The following TM2D1 variants were observed in gnomAD, a reference collection of about 807,000 sequenced individuals.
The protein encoded by TM2D1 is TM2 domain containing 1.
In TM2D1, 15 loss-of-function variants were observed where a neutral mutation model predicts 28.4. That is an observed-to-expected ratio of 0.53 (90% CI 0.35 to 0.81). The LOEUF (loss-of-function observed/expected upper bound fraction) is 0.81. Among genes scored for constraint, TM2D1 ranks in the 40% least tolerant of loss-of-function variants. The probability of loss-of-function intolerance (pLI) is 0.01; values close to 1 mark genes in which losing one functional copy is unlikely to be tolerated. For missense variants in TM2D1, 236 were observed against 254.9 expected (o/e 0.93, Z 0.50); for synonymous variants, 93 against 96.2 (o/e 0.97, Z 0.20).
At chr1:61,712,749 A>AT (rs1644487817) in intron 2 of TM2D1, among the ~76,000 whole-genome samples, 1 of 152,184 alleles carries the variant, frequency 6.6e-6, no homozygotes, top group Admixed American at 6.6e-5. Flanking sequence ...TTAACATGTT[A>AT]TAGCACTCTT....
chr1:61,703,147 G>C lies in TM2D1; in HGVS notation c.348-2122C>G, dbSNP rs1010471166. On this transcript the variant is annotated intron_variant, in intron 3 of 6. Coordinates refer to ENST00000606498, the MANE Select transcript of TM2D1 (RefSeq NM_032027.3). The stretch of plus-strand genomic sequence containing the variant: ...ACAAAAGAGAAAAAACAAAGGGAGA[G>C]CTGGACACACTGGCATGTGACTACA... 3.3e-5 allele frequency among the ~76,000 whole-genome samples: 5 copies of C among 151,260 alleles called. No individual in the cohort carries two copies. In the Admixed American group the frequency reaches 3.3e-4, roughly 10 times the overall value.
chr1:61,711,566 T>C (rs1644479609), intron 2 of TM2D1, among the ~76,000 whole-genome samples: 1 of 150,012 alleles, frequency 6.7e-6, no homozygotes, highest in Admixed American at 6.7e-5. Context: ...AGGTCAAGGC[T>C]GCAGTGAGCT....
At chr1:61,702,860 C>T (rs929811510) in intron 3 of TM2D1, among the ~76,000 whole-genome samples, 3 of 151,686 alleles carry the variant, frequency 2.0e-5, no homozygotes, top group Admixed American at 2.0e-4. Flanking sequence ...AATCCCAGCA[C>T]TTTGGGAGGC....
At chr1:61,724,903 T>A (rs1003425592) in intron 1 of TM2D1, 54 bp downstream of exon 1, 2 of 1,523,492 alleles carry the variant, frequency 1.3e-6, no homozygotes, top group Non-Finnish European at 1.8e-6. Context: ...GCGACCCACC[T>A]GCGACCCCAA....
At chr1:61,684,769 CTTTCA>C (rs905036881) in intron 5 of TM2D1, among the ~76,000 whole-genome samples, 3 of 151,810 alleles carry the variant, frequency 2.0e-5, no homozygotes, top group Non-Finnish European at 4.4e-5. Flanking sequence ...AGTTTTCTCT[CTTTCA>C]TTTGTTTGTT....
chr1:61,723,787 G>T lies in TM2D1; in HGVS notation c.165-1C>A. 6.9e-7 allele frequency: 1 copy of T among 1,455,800 alleles called. No homozygotes were observed. The allele number at this position is 1,455,800 out of a possible 1,614,324, so 90.2% of individuals were successfully genotyped here. The stretch of plus-strand genomic sequence containing the variant: ...TATTTTTGGATCTTTACAAATATAT[G>T]TAAAAAAAAAAGTTAAGGAAATACG... On this transcript the variant is annotated splice_acceptor_variant, in intron 1 of 6. Transcript: ENST00000606498. LOFTEE classifies it high-confidence loss of function.
chr1:61,714,764 C>A (rs1644504641), intron 2 of TM2D1, among the ~76,000 whole-genome samples: 1 of 152,090 alleles, frequency 6.6e-6, no homozygotes, highest in South Asian at 2.1e-4. Context: ...CCACGTTGCC[C>A]AAGCTGGTCT....
intron 5 of TM2D1, among the ~76,000 whole-genome samples, chr1:61,692,478 G>GAGAA (rs145746226): frequency 1.4e-5 from 2 of 142,042 alleles, no homozygotes; most frequent in African/African-American, 2.6e-5. Flanking sequence ...AGGAAGAAGA[G>GAGAA]AGAAAGAAAG....
chr1:61,707,110 C>T (rs1644447183), intron 3 of TM2D1, among the ~76,000 whole-genome samples: 2 of 152,022 alleles, frequency 1.3e-5, no homozygotes, highest in Non-Finnish European at 2.9e-5. Flanking sequence ...CAAAAATTAG[C>T]CGAGCTTTGG....
intron 5 of TM2D1, among the ~76,000 whole-genome samples, chr1:61,689,542 T>A (rs554749673): frequency 3.9e-4 from 60 of 152,192 alleles, no homozygotes; most frequent in Non-Finnish European, 7.5e-4. Flanking sequence ...GCAAATTTTT[T>A]AAAAATTTTT....
At chr1:61,703,221 T>C (rs1297902517) in intron 3 of TM2D1, among the ~76,000 whole-genome samples, 2 of 149,170 alleles carry the variant, frequency 1.3e-5, no homozygotes, top group African/African-American at 4.9e-5. Flanking sequence ...CTAATGAATA[T>C]TACCATATTT....
At chr1:61,720,110 AAAG>A (rs901329206) in intron 2 of TM2D1, among the ~76,000 whole-genome samples, 1 of 152,248 alleles carries the variant, frequency 6.6e-6, no homozygotes, top group African/African-American at 2.4e-5. Context: ...TTAAGAAAAT[AAAG>A]AAGACTTCTG....
In TM2D1 at chr1:61,691,932, A is replaced by AAAAAAAAATATATAT; in HGVS notation, c.513+2764_513+2765insATATATATTTTTTTT. ...TCTCAAAAAAAACTTAAAAAAAAAA[A>AAAAAAAAATATATAT]ATATATATATATATATATATATATA... On this transcript the variant is annotated intron_variant, in intron 5 of 6. Coordinates refer to ENST00000606498, the MANE Select transcript of TM2D1 (RefSeq NM_032027.3). 3.0e-3 allele frequency among the ~76,000 whole-genome samples: 226 copies of AAAAAAAAATATATAT among 76,256 alleles called. 1 individual carries two copies. Among genetic ancestry groups the AAAAAAAAATATATAT allele is most frequent in the East Asian group, 9.1e-3 (19 of 2,082 alleles). 50.0% of individuals were successfully genotyped at this position (76,256 alleles called of 152,430 possible).
chr1:61,686,383 G>A (rs2148032951), intron 5 of TM2D1, among the ~76,000 whole-genome samples: 1 of 152,166 alleles, frequency 6.6e-6, no homozygotes, highest in Middle Eastern at 3.4e-3. Flanking sequence ...AAGACAGGGT[G>A]TGGTGGCTCA....
chr1:61,682,770 G>T (rs149839381), intron 6 of TM2D1, among the ~76,000 whole-genome samples: 1,674 of 152,052 alleles, frequency 0.011, 28 homozygotes, highest in African/African-American at 0.037. Context: ...GTGTGTGCCT[G>T]TAGTCCCAGC....
At chr1:61,719,256 C>A (rs1332209216) in intron 2 of TM2D1, among the ~76,000 whole-genome samples, 1 of 151,976 alleles carries the variant, frequency 6.6e-6, no homozygotes, top group East Asian at 1.9e-4. Flanking sequence ...CACCACATAG[C>A]CCAGGCTGGT....
At chr1:61,686,574 G>A (rs143663292) in intron 5 of TM2D1, among the ~76,000 whole-genome samples, 13 of 152,280 alleles carry the variant, frequency 8.5e-5, no homozygotes, top group African/African-American at 2.6e-4. Context: ...GCTGAGGCAT[G>A]AGAATTGCTT....
chr1:61,724,530 G>C (rs1167280931), intron 1 of TM2D1: 6 of 163,514 alleles, frequency 3.7e-5, no homozygotes, highest in Non-Finnish European at 6.6e-5. Context: ...TAAAGTTAAT[G>C]ATAAATGGGC....
chr1:61,686,693 T>G (rs1432581613), intron 5 of TM2D1: 1 of 576,186 alleles, frequency 1.7e-6, no homozygotes, highest in East Asian at 1.4e-4. Context: ...TAATAAAACC[T>G]GTTTTAAGCA....
Sources: allele counts gnomAD v4.1 joint callset (sites outside exome capture counted in the v4.1 genomes callset), GRCh38; gene constraint gnomAD v4.1.1; transcripts MANE v1.5; gene names NCBI Gene and HGNC (gene_info 2026-07-23, HGNC 2026-07-21).